CLSTN2: variants seen among roughly 807,000 people sequenced by gnomAD.
CLSTN2 encodes calsyntenin-2.
Under a neutral mutation model 101.2 loss-of-function variants are expected in CLSTN2, and 48 were observed. That is an observed-to-expected ratio of 0.47 (90% CI 0.38 to 0.60). CLSTN2 has a LOEUF of 0.60. CLSTN2 is among the 20% of genes least tolerant of loss of function. The probability of loss-of-function intolerance (pLI) is 0.00; values close to 1 mark genes in which losing one functional copy is unlikely to be tolerated. For missense variants in CLSTN2, 1,160 were observed against 1,238.2 expected (o/e 0.94, Z 0.95); for synonymous variants, 481 against 463.6 (o/e 1.04, Z -0.48).
intron 1 of CLSTN2, among the ~76,000 whole-genome samples, chr3:140,077,384 A>G (rs1250299453): frequency 2.0e-5 from 3 of 152,168 alleles, no homozygotes; most frequent in East Asian, 1.9e-4. Context: ...GGCTTATCAC[A>G]GGGCTCTCAT....
Position 140,012,933 on chromosome 3 carries a change from C to CA in CLSTN2, c.109+77451dup, listed in dbSNP as rs929334958. Among the ~76,000 whole-genome samples the CA allele has an allele frequency of 4.8e-4, 14 of 29,386 alleles. 1 individual carries two copies. The highest frequency in any genetic ancestry group is 6.6e-4 in the African/African-American group (14 of 21,344). 19.3% of individuals were successfully genotyped at this position (29,386 alleles called of 152,430 possible). A position where few individuals can be genotyped will look rare whatever the true frequency, so the allele number is the denominator to read the frequency against. On this transcript the variant is annotated intron_variant, in intron 1 of 16. Transcript: ENST00000458420. Reference sequence around the variant, plus strand: ...TGCAGCTTGGAGGTATGGCTGGACACAGAGACATGAGTGGCTGTTACAACT... The same window carrying CA: ...TGCAGCTTGGAGGTATGGCTGGACACAAGAGACATGAGTGGCTGTTACAACT...
intron 1 of CLSTN2, among the ~76,000 whole-genome samples, chr3:140,114,883 T>C (rs2009215769): frequency 6.6e-6 from 1 of 152,196 alleles, no homozygotes; most frequent in Non-Finnish European, 1.5e-5. Flanking sequence ...GTTAATATTC[T>C]CTGATGTGGC....
At position 140,572,365 on chromosome 3, in the gene CLSTN2, G is replaced by A. The variant is rs1339897989; in HGVS notation, c.*6112G>A. The A allele has an allele frequency of 1.3e-5, 2 of 152,212 alleles. No individual in the cohort carries two copies. The highest frequency in any genetic ancestry group is 6.5e-5 in the Admixed American group (1 of 15,282). The allele number at this position is 152,212 out of a possible 1,614,324, so 9.4% of individuals were successfully genotyped here. A position where few individuals can be genotyped will look rare whatever the true frequency, so the allele number is the denominator to read the frequency against. ...CCTGCCCACTGGGCAGAAATAACATGGTTGACAGCTGACATTCAGAGAAAA... is the reference window on the plus strand; with the variant it reads ...CCTGCCCACTGGGCAGAAATAACATAGTTGACAGCTGACATTCAGAGAAAA... On this transcript the variant is annotated 3_prime_UTR_variant, in exon 17 of 17. Transcript: ENST00000458420.
chr3:140,100,398 A>G (rs1397079526), intron 1 of CLSTN2, among the ~76,000 whole-genome samples: 1 of 152,130 alleles, frequency 6.6e-6, no homozygotes, highest in Non-Finnish European at 1.5e-5. Flanking sequence ...CTGCATCCCT[A>G]TGGCAATGCT....
chr3:140,160,076 C>T (rs1022856844), intron 1 of CLSTN2, among the ~76,000 whole-genome samples: 5 of 151,922 alleles, frequency 3.3e-5, no homozygotes, highest in African/African-American at 9.7e-5. Flanking sequence ...TTCACTAACT[C>T]GGTGGCAGGA....
intron 2 of CLSTN2, among the ~76,000 whole-genome samples, chr3:140,393,850 A>G (rs1433914950): frequency 2.0e-5 from 3 of 152,216 alleles, no homozygotes; most frequent in African/African-American, 7.2e-5. Flanking sequence ...CATAGGGTTT[A>G]AAATGCTCTC....
intron 5 of CLSTN2, among the ~76,000 whole-genome samples, chr3:140,439,331 C>T (rs1471181826): frequency 3.3e-5 from 5 of 152,202 alleles, no homozygotes; most frequent in African/African-American, 1.2e-4. Flanking sequence ...TGGGCTTCAG[C>T]GAGGGGCTGC....
intron 1 of CLSTN2, among the ~76,000 whole-genome samples, chr3:139,998,607 G>A (rs1054435248): frequency 5.9e-5 from 9 of 151,960 alleles, no homozygotes; most frequent in Non-Finnish European, 8.8e-5. Context: ...GCCTCCCAAA[G>A]TGCTGGGATT....
chr3:140,416,648 C>A (rs544531948), intron 4 of CLSTN2, among the ~76,000 whole-genome samples: 7 of 152,112 alleles, frequency 4.6e-5, no homozygotes, highest in Non-Finnish European at 1.0e-4. Flanking sequence ...AGACCCTCAC[C>A]AGTAAAATGG....
At chr3:140,182,619 C>T (rs2010427340) in intron 2 of CLSTN2, among the ~76,000 whole-genome samples, 1 of 152,194 alleles carries the variant, frequency 6.6e-6, no homozygotes, top group Non-Finnish European at 1.5e-5. Context: ...CCTGGTATCC[C>T]ACTCTGCTTC....
At chr3:140,259,963 C>G (rs9840502) in intron 2 of CLSTN2, among the ~76,000 whole-genome samples, 4 of 151,408 alleles carry the variant, frequency 2.6e-5, no homozygotes, top group African/African-American at 9.7e-5. Flanking sequence ...CACCAGGAGC[C>G]TACTTGAGGG....
chr3:140,045,989 A>G (rs937527706), intron 1 of CLSTN2, among the ~76,000 whole-genome samples: 2 of 152,216 alleles, frequency 1.3e-5, no homozygotes, highest in Non-Finnish European at 2.9e-5. Context: ...AAGAATGTAT[A>G]TTCTGTTGAT....
chr3:140,344,494 C>T (rs569815154), intron 2 of CLSTN2, among the ~76,000 whole-genome samples: 16 of 152,330 alleles, frequency 1.1e-4, no homozygotes, highest in Middle Eastern at 3.4e-3. Flanking sequence ...TAATCTATCA[C>T]ACCCAGTCCC....
At chr3:140,290,897 C>T (rs17403209) in intron 2 of CLSTN2, among the ~76,000 whole-genome samples, 9,749 of 152,224 alleles carry the variant, frequency 0.064, 422 homozygotes, top group Admixed American at 0.15. Flanking sequence ...AATTTTTCAC[C>T]TGATCTGCAA....
At chr3:140,274,917 C>T (rs943343897) in intron 2 of CLSTN2, among the ~76,000 whole-genome samples, 3 of 152,206 alleles carry the variant, frequency 2.0e-5, no homozygotes, top group Non-Finnish European at 4.4e-5. Flanking sequence ...AGGCAGGGAA[C>T]AGGGTGGGCT....
At chr3:140,030,457 G>A (rs1315319804) in intron 1 of CLSTN2, among the ~76,000 whole-genome samples, 2 of 152,090 alleles carry the variant, frequency 1.3e-5, no homozygotes. Flanking sequence ...AGGGGTGGGG[G>A]TGGTTCATTC....
intron 1 of CLSTN2, among the ~76,000 whole-genome samples, chr3:139,966,838 C>G: frequency 6.6e-6 from 1 of 152,032 alleles, no homozygotes; most frequent in East Asian, 1.9e-4. Flanking sequence ...TGGGCAGGAC[C>G]CAAGGTAGAG....
At position 140,577,168 on chromosome 3, in the gene CLSTN2, G is replaced by C. The variant is rs1195312274; in HGVS notation, c.*10915G>C. ...AAGGATCATCACAGGAATCTGTTGG[G>C]CTTCTCCCCATGACTGTGATCTTAC... On this transcript the variant is annotated 3_prime_UTR_variant, in exon 17 of 17. Transcript: ENST00000458420. 6.6e-6 allele frequency: 1 copy of C among 152,176 alleles called. No homozygotes were observed. Among genetic ancestry groups the C allele is most frequent in the Non-Finnish European group, 1.5e-5 (1 of 68,030 alleles). The allele number at this position is 152,176 out of a possible 1,614,324, so 9.4% of individuals were successfully genotyped here.
At chr3:139,996,957 G>T (rs904471507) in intron 1 of CLSTN2, among the ~76,000 whole-genome samples, 10 of 148,996 alleles carry the variant, frequency 6.7e-5, no homozygotes, top group Non-Finnish European at 1.5e-4. Flanking sequence ...TGAGGCAGGA[G>T]AATTGCTTGA....
Sources: allele counts gnomAD v4.1 joint callset (sites outside exome capture counted in the v4.1 genomes callset), GRCh38; gene constraint gnomAD v4.1.1; transcripts MANE v1.5; gene names NCBI Gene and HGNC (gene_info 2026-07-23, HGNC 2026-07-21).